B4GALNT3: variants seen among roughly 807,000 people sequenced by gnomAD.
B4GALNT3 encodes the protein beta-1,4-N-acetyl-galactosaminyltransferase 3.
In B4GALNT3, 86 loss-of-function variants were observed where a neutral mutation model predicts 120.2. The observed-to-expected ratio is 0.72, with a 90% CI of 0.60 to 0.86. The LOEUF (loss-of-function observed/expected upper bound fraction) is 0.86. B4GALNT3 is among the 40% of genes least tolerant of loss of function. The pLI is 0.00. For synonymous variants in B4GALNT3, 518 were observed against 510.4 expected (o/e 1.01, Z -0.20); for missense variants, 1,167 against 1,298.9 (o/e 0.90, Z 1.56).
At chr12:557,142 TG>T (rs149901301) in intron 15 of B4GALNT3, among the ~76,000 whole-genome samples, 186 of 152,234 alleles carry the variant, frequency 1.2e-3, no homozygotes, top group African/African-American at 4.4e-3. Flanking sequence ...TTGCTAACAC[TG>T]GGGATGATCA....
In B4GALNT3 at chr12:561,512, C is replaced by A; in HGVS notation, c.*61C>A. ...CTGGACTAGCAGTGGCTCCCCAGGG[C>A]CCTGCTACTGTTCAGGGATGGGGAG... On this transcript the variant is annotated 3_prime_UTR_variant, in exon 20 of 20. Transcript: ENST00000266383. The A allele has an allele frequency of 2.2e-6, 3 of 1,343,702 alleles. No individual in the cohort carries two copies. Among genetic ancestry groups the A allele is most frequent in the Admixed American group, 1.9e-5 (1 of 52,820 alleles). 83.2% of individuals were successfully genotyped at this position (1,343,702 alleles called of 1,614,324 possible).
At chr12:485,615 G>A (rs555960922) in intron 1 of B4GALNT3, among the ~76,000 whole-genome samples, 12 of 152,290 alleles carry the variant, frequency 7.9e-5, no homozygotes, top group Non-Finnish European at 1.0e-4. Context: ...CCTCAGCTAC[G>A]AATGGGATTG....
intron 12 of B4GALNT3, 32 bp from the exon 13 acceptor site, chr12:552,435 G>A (rs1459408279): frequency 6.2e-7 from 1 of 1,601,540 alleles, no homozygotes; most frequent in Non-Finnish European, 8.6e-7. Flanking sequence ...CCATGCACCG[G>A]GTGCCAATGC....
chr12:467,400 A>G (rs1946092450), intron 1 of B4GALNT3, among the ~76,000 whole-genome samples: 6 of 152,044 alleles, frequency 3.9e-5, no homozygotes, highest in Admixed American at 3.3e-4. Context: ...CTCTACTACA[A>G]CTACAAAAAG....
At position 563,498 on chromosome 12, in the gene B4GALNT3, G is replaced by GA. The variant is rs57955399; in HGVS notation, c.*2058dup. ...AAGCATTAAATACAGCAACTTCTTA[G>GA]AAAAAAAAAAAGGTGCTTGTCTTTT... On this transcript the variant is annotated 3_prime_UTR_variant, in exon 20 of 20. Transcript: ENST00000266383. 1,638 of 148,774 alleles carry GA rather than the reference G, an allele frequency of 0.011. 13 individuals are homozygous for GA. Among genetic ancestry groups the GA allele is most frequent in the Admixed American group, 0.015 (229 of 14,988 alleles). The allele number at this position is 148,774 out of a possible 1,614,324, so 9.2% of individuals were successfully genotyped here.
chr12:554,474 G>T (rs975427160), intron 14 of B4GALNT3, among the ~76,000 whole-genome samples: 3 of 152,112 alleles, frequency 2.0e-5, no homozygotes, highest in Non-Finnish European at 4.4e-5. Flanking sequence ...CCATTTTAAG[G>T]TGTACCTTTC....
In B4GALNT3 at chr12:552,193, G is replaced by C. The variant is rs374348146; in HGVS notation, c.1208+30G>C. ...GAGACACTGAGTGGGGCAGGAAGGT[G>C]ACCTTGCAGAGGGCTCTGCGGGAGC... is the stretch of plus-strand genomic sequence containing the variant. On this transcript the variant is annotated intron_variant, in intron 12 of 19. Transcript: ENST00000266383. 10 of 1,559,814 alleles carry C rather than the reference G, an allele frequency of 6.4e-6. No homozygotes were observed. The South Asian group carries it at 1.1e-4, about 17-fold the overall frequency.
At chr12:513,393 C>T (rs1264733532) in intron 1 of B4GALNT3, among the ~76,000 whole-genome samples, 3 of 152,226 alleles carry the variant, frequency 2.0e-5, no homozygotes, top group African/African-American at 7.2e-5. Context: ...AGATGCTAAA[C>T]GGTGTGGGTT....
chr12:537,388 A>C (rs1006429546), intron 3 of B4GALNT3, among the ~76,000 whole-genome samples: 1 of 152,152 alleles, frequency 6.6e-6, no homozygotes, highest in African/African-American at 2.4e-5. Flanking sequence ...AGTAGCTAGG[A>C]CTACAGGGAT....
chr12:476,754 G>A (rs1277687178), intron 1 of B4GALNT3, among the ~76,000 whole-genome samples: 1 of 152,196 alleles, frequency 6.6e-6, no homozygotes, highest in African/African-American at 2.4e-5. Flanking sequence ...GTTTTGATTG[G>A]TTTTAGCATG....
chr12:520,743 A>G (rs1208406308), intron 1 of B4GALNT3, among the ~76,000 whole-genome samples: 1 of 152,246 alleles, frequency 6.6e-6, no homozygotes, highest in Non-Finnish European at 1.5e-5. Context: ...CTGAGCCGAG[A>G]TCGTGCCACT....
intron 1 of B4GALNT3, among the ~76,000 whole-genome samples, chr12:491,334 CT>C (rs34540336): frequency 0.12 from 17,142 of 142,290 alleles, 1,149 homozygotes; most frequent in East Asian, 0.22. Context: ...GATACAAATT[CT>C]TTTTTTTTTT....
intron 1 of B4GALNT3, among the ~76,000 whole-genome samples, chr12:512,953 C>CTTT (rs1946609701): frequency 7.1e-6 from 1 of 140,108 alleles, no homozygotes; most frequent in South Asian, 2.4e-4. Flanking sequence ...CCTTCTTCCA[C>CTTT]CTTCCACCTT....
chr12:561,243 G>A, intron 19 of B4GALNT3, 100 bp from the exon 20 acceptor site: 1 of 858,980 alleles, frequency 1.2e-6, no homozygotes, highest in Non-Finnish European at 1.9e-6. Flanking sequence ...TGCCTTCCCT[G>A]CCCCGTGGGG....
intron 1 of B4GALNT3, among the ~76,000 whole-genome samples, chr12:512,172 G>GCCTTCCGCCTTCCA (rs1233360994): frequency 9.8e-5 from 2 of 20,442 alleles, no homozygotes; most frequent in African/African-American, 4.1e-4. Context: ...TCCACCTTCC[G>GCCTTCCGCCTTCCA]CCTTCCGCCT....
In B4GALNT3 at chr12:545,420, G is replaced by A; in HGVS notation, c.590G>A (p.Ser197Asn). Residue 197 changes from serine to asparagine, a missense_variant, in exon 6 of 20, where the codon AGC becomes AAC. Ser to Asn is a conservative substitution (Grantham distance 46). Transcript: ENST00000266383. ...GATGACAACGCGGAGTTCTGGCTGA[G>A]CCTCGATGACCAGGTCTCAGGCCTC... ...AADDNAEFWL[S>N]LDDQVSGLQL... 1 of 1,611,944 alleles carries A rather than the reference G, an allele frequency of 6.2e-7. No homozygotes were observed. The highest frequency in any genetic ancestry group is 8.5e-7 in the Non-Finnish European group (1 of 1,179,458).
intron 7 of B4GALNT3, 28 bp from the exon 8 acceptor site, chr12:547,996 T>C (rs776156666): frequency 6.2e-7 from 1 of 1,605,602 alleles, no homozygotes; most frequent in South Asian, 1.1e-5. Flanking sequence ...GAGATGGCGC[T>C]CTGCTTCCCT....
chr12:535,976 TGACCTAAA>T, intron 2 of B4GALNT3, among the ~76,000 whole-genome samples: 1 of 152,316 alleles, frequency 6.6e-6, no homozygotes, highest in Non-Finnish European at 1.5e-5. Flanking sequence ...CAAGAGGTCC[TGACCTAAA>T]GAGGGTAAAC....
At chr12:506,254 C>G (rs1033942257) in intron 1 of B4GALNT3, among the ~76,000 whole-genome samples, 10 of 152,058 alleles carry the variant, frequency 6.6e-5, no homozygotes, top group African/African-American at 2.4e-4. Context: ...TACAATGGTC[C>G]TTAAATATCA....
Sources: allele counts gnomAD v4.1 joint callset (sites outside exome capture counted in the v4.1 genomes callset), GRCh38; gene constraint gnomAD v4.1.1; transcripts MANE v1.5; gene names NCBI Gene and HGNC (gene_info 2026-07-23, HGNC 2026-07-21).